OLA1: variants seen among roughly 807,000 people sequenced by gnomAD.
The protein encoded by OLA1 is Obg like ATPase 1.
A neutral mutation model predicts 48.4 loss-of-function variants in OLA1; 14 were observed. That is an observed-to-expected ratio of 0.29 (90% CI 0.19 to 0.45). The LOEUF (loss-of-function observed/expected upper bound fraction) is 0.45. Among genes scored for constraint, OLA1 ranks in the 20% least tolerant of loss-of-function variants. The pLI is 1.00. For synonymous variants in OLA1, 127 were observed against 150.4 expected (o/e 0.84, Z 1.14); for missense variants, 325 against 467.1 (o/e 0.70, Z 2.80).
chr2:174,229,310 T>G lies in OLA1; in HGVS notation c.243A>C (p.Ala81=). ...FDFLCQYHKP[A]SKIPAFLNVV... ...AAATAGCATAAAATATCTCTTACCTTGCTGGTTTGTGGTATTGACAAAGAA... is the reference window on the plus strand; with the variant it reads ...AAATAGCATAAAATATCTCTTACCTGGCTGGTTTGTGGTATTGACAAAGAA... The change falls in exon 3 of 11, where the codon GCA becomes GCC. Residue 81 remains alanine (A), a splice_region_variant and synonymous_variant. Coordinates refer to ENST00000284719, the MANE Select transcript of OLA1 (RefSeq NM_013341.5). 1 of 1,611,818 alleles carries G rather than the reference T, an allele frequency of 6.2e-7. No homozygotes were observed. The highest frequency in any genetic ancestry group is 2.2e-4 in the Middle Eastern group (1 of 4,562).
chr2:174,198,363 G>A (rs1198046641), intron 4 of OLA1, among the ~76,000 whole-genome samples: 1 of 152,224 alleles, frequency 6.6e-6, no homozygotes, highest in Non-Finnish European at 1.5e-5. Flanking sequence ...AGAAATCCAA[G>A]TTAAAAACAA....
intron 4 of OLA1, among the ~76,000 whole-genome samples, chr2:174,146,563 G>A (rs1035874234): frequency 6.6e-6 from 1 of 152,224 alleles, no homozygotes; most frequent in African/African-American, 2.4e-5. Flanking sequence ...TAACAAATCT[G>A]AGTGACATCA....
At chr2:174,116,352 A>C (rs1438648293) in intron 7 of OLA1, among the ~76,000 whole-genome samples, 1 of 152,208 alleles carries the variant, frequency 6.6e-6, no homozygotes, top group Non-Finnish European at 1.5e-5. Context: ...CTCACATTCT[A>C]ATGTTTTTGA....
intron 2 of OLA1, among the ~76,000 whole-genome samples, chr2:174,234,373 G>A (rs1196658977): frequency 6.6e-6 from 1 of 152,116 alleles, no homozygotes; most frequent in Non-Finnish European, 1.5e-5. Flanking sequence ...AGTTTTGGGG[G>A]AATCAAAAAT....
intron 7 of OLA1, among the ~76,000 whole-genome samples, chr2:174,111,853 T>A (rs75009093): frequency 0.14 from 20,933 of 152,142 alleles, 1,814 homozygotes; most frequent in Non-Finnish European, 0.2. Context: ...AAGAAAGTAG[T>A]TTTCTTGAGA....
chr2:174,236,644 A>G (rs1688857422), intron 2 of OLA1, among the ~76,000 whole-genome samples: 1 of 152,196 alleles, frequency 6.6e-6, no homozygotes, highest in Non-Finnish European at 1.5e-5. Context: ...CGAACATTAC[A>G]GAGTATATTT....
chr2:174,134,771 G>T (rs968453078), intron 5 of OLA1, among the ~76,000 whole-genome samples: 12 of 152,106 alleles, frequency 7.9e-5, no homozygotes, highest in African/African-American at 2.9e-4. Flanking sequence ...ATGGTTAATG[G>T]TATATTTTAT....
At chr2:174,087,026 T>A (rs1298687714) in intron 7 of OLA1, among the ~76,000 whole-genome samples, 1 of 150,608 alleles carries the variant, frequency 6.6e-6, no homozygotes, top group Non-Finnish European at 1.5e-5. Flanking sequence ...ATTCTTTCTT[T>A]TTTTCTTTTT....
At chr2:174,135,380 T>A (rs1686287455) in intron 5 of OLA1, among the ~76,000 whole-genome samples, 1 of 152,118 alleles carries the variant, frequency 6.6e-6, no homozygotes, top group African/African-American at 2.4e-5. Flanking sequence ...GGTAATTTAA[T>A]CAAGGGAATA....
intron 7 of OLA1, among the ~76,000 whole-genome samples, chr2:174,116,336 G>A (rs1004775383): frequency 2.0e-5 from 3 of 152,174 alleles, no homozygotes; most frequent in Non-Finnish European, 4.4e-5. Flanking sequence ...GCTTTTGAGG[G>A]TGAGTCTCAC....
intron 4 of OLA1, among the ~76,000 whole-genome samples, chr2:174,156,532 C>T (rs1264566724): frequency 2.7e-5 from 4 of 149,726 alleles, no homozygotes; most frequent in East Asian, 2.0e-4. Context: ...TTTTCAGAGA[C>T]GTATTCTTGT....
intron 7 of OLA1, among the ~76,000 whole-genome samples, chr2:174,099,880 C>T (rs985472173): frequency 5.9e-5 from 9 of 152,158 alleles, no homozygotes; most frequent in Admixed American, 3.3e-4. Context: ...AGGTTTCCAT[C>T]TTCTAATAAT....
intron 4 of OLA1, among the ~76,000 whole-genome samples, chr2:174,178,414 C>T (rs1242949094): frequency 6.6e-6 from 1 of 151,968 alleles, no homozygotes; most frequent in East Asian, 1.9e-4. Flanking sequence ...TATAAATCCA[C>T]TCCTTCCACA....
At chr2:174,177,477 A>C (rs1687445869) in intron 4 of OLA1, among the ~76,000 whole-genome samples, 1 of 152,182 alleles carries the variant, frequency 6.6e-6, no homozygotes, top group Non-Finnish European at 1.5e-5. Flanking sequence ...GTCTTTCAAC[A>C]GGCAATGAAA....
chr2:174,154,877 T>C (rs1363419109), intron 4 of OLA1, among the ~76,000 whole-genome samples: 1 of 152,222 alleles, frequency 6.6e-6, no homozygotes, highest in Non-Finnish European at 1.5e-5. Context: ...ACAATATCCA[T>C]TTTCAATCAA....
At chr2:174,077,539 T>C (rs1684773456) in intron 10 of OLA1, among the ~76,000 whole-genome samples, 1 of 152,082 alleles carries the variant, frequency 6.6e-6, no homozygotes, top group African/African-American at 2.4e-5. Context: ...TTTAATGGTA[T>C]CCTAGGTGAA....
At chr2:174,158,503 G>C (rs1166052721) in intron 4 of OLA1, among the ~76,000 whole-genome samples, 1 of 151,942 alleles carries the variant, frequency 6.6e-6, no homozygotes, top group South Asian at 2.1e-4. Flanking sequence ...TATAAACTCA[G>C]ATACAGTCTT....
chr2:174,075,258 G>GC lies in OLA1; in HGVS notation c.*167_*168insG. On this transcript the variant is annotated 3_prime_UTR_variant, in exon 11 of 11. Transcript: ENST00000284719. ...TTTAGTGAACCTGCATTTCATGGGGGGGGGGGGGTACACAGTATTTTAATT... is the reference window on the plus strand; with the variant it reads ...TTTAGTGAACCTGCATTTCATGGGGGCGGGGGGGGTACACAGTATTTTAATT... 2.1e-6 allele frequency: 1 copy of GC among 467,574 alleles called. No homozygotes were observed. The highest frequency in any genetic ancestry group is 2.1e-5 in the African/African-American group (1 of 48,152). The allele number at this position is 467,574 out of a possible 1,614,324, so 29.0% of individuals were successfully genotyped here. A position where few individuals can be genotyped will look rare whatever the true frequency, so the allele number is the denominator to read the frequency against.
rs1466812690 is a variant in OLA1, at chr2:174,091,733, G to C, written c.729-9669C>G. Reference sequence around the variant, plus strand: ...AAACACCATCTCTACTATGAGCCGGGTATGGTGGCGGGCACCTGTAGTCCC... The same window carrying C: ...AAACACCATCTCTACTATGAGCCGGCTATGGTGGCGGGCACCTGTAGTCCC... On this transcript the variant is annotated intron_variant, in intron 7 of 10. Coordinates refer to ENST00000284719, the MANE Select transcript of OLA1 (RefSeq NM_013341.5). Among the ~76,000 whole-genome samples the C allele has an allele frequency of 4.6e-5, 7 of 151,634 alleles. No homozygotes were observed. The East Asian group carries it at 9.6e-4, about 21-fold the overall frequency.
Sources: allele counts gnomAD v4.1 joint callset (sites outside exome capture counted in the v4.1 genomes callset), GRCh38; gene constraint gnomAD v4.1.1; transcripts MANE v1.5; gene names NCBI Gene and HGNC (gene_info 2026-07-23, HGNC 2026-07-21).